Variants in OTUD7A observed in about 807,000 individuals in gnomAD.
The protein encoded by OTUD7A is OTU deubiquitinase 7A, also known as OTU domain-containing protein 7A.
In OTUD7A, 12 loss-of-function variants were observed where a neutral mutation model predicts 65.7. The observed-to-expected ratio is 0.18, with a 90% CI of 0.12 to 0.30. The LOEUF (loss-of-function observed/expected upper bound fraction) is 0.30. Among genes scored for constraint, OTUD7A ranks in the 10% least tolerant of loss-of-function variants. OTUD7A has a pLI of 1.00. For missense variants in OTUD7A, 1,148 were observed against 1,304.8 expected (o/e 0.88, Z 1.85); for synonymous variants, 641 against 586.3 (o/e 1.09, Z -1.35).
intron 1 of OTUD7A, among the ~76,000 whole-genome samples, chr15:31,724,380 A>C (rs1212937367): frequency 6.6e-6 from 1 of 152,200 alleles, no homozygotes; most frequent in African/African-American, 2.4e-5. Context: ...AAATGTTCAC[A>C]CTTTAATGCA....
intron 1 of OTUD7A, chr15:31,768,296 T>C (rs1393714): frequency 1 from 676,569 of 679,228 alleles, 337,020 homozygotes; most frequent in East Asian, 1. Context: ...AACCATTGGC[T>C]CTGCCGCCAA....
intron 3 of OTUD7A, among the ~76,000 whole-genome samples, chr15:31,580,417 T>C (rs1286573318): frequency 6.6e-6 from 1 of 152,206 alleles, no homozygotes; most frequent in East Asian, 1.9e-4. Flanking sequence ...AATAAAGTAT[T>C]TGCATTTAAG....
chr15:31,775,427 AT>A (rs1895351034), intron 1 of OTUD7A, among the ~76,000 whole-genome samples: 1 of 152,250 alleles, frequency 6.6e-6, no homozygotes, highest in Admixed American at 6.5e-5. Flanking sequence ...AAAAAAATAA[AT>A]AAATTAAACA....
chr15:31,549,364 G>C (rs1002271782), intron 5 of OTUD7A, among the ~76,000 whole-genome samples: 2 of 152,152 alleles, frequency 1.3e-5, no homozygotes, highest in Non-Finnish European at 2.9e-5. Context: ...ATCTGTGGCA[G>C]GCAGAATTCT....
In OTUD7A at chr15:31,792,223, T is replaced by C. The variant is rs117722443; in HGVS notation, c.-100+78284A>G. Among the ~76,000 whole-genome samples the C allele has an allele frequency of 1.5e-3, 235 of 152,300 alleles. 5 individuals are homozygous for C. In the East Asian group the frequency reaches 0.025, roughly 16 times the overall value. ...ACTTTATTTACTTCATAAAACCTCTTGTCTGGCTGCCTGAATGTGTCTCCT... is the reference window on the plus strand; with the variant it reads ...ACTTTATTTACTTCATAAAACCTCTCGTCTGGCTGCCTGAATGTGTCTCCT... On this transcript the variant is annotated intron_variant, in intron 1 of 12. Coordinates refer to ENST00000307050, the MANE Select transcript of OTUD7A (RefSeq NM_001382637.1).
intron 1 of OTUD7A, among the ~76,000 whole-genome samples, chr15:31,807,697 GC>G (rs1191007978): frequency 6.6e-6 from 1 of 152,060 alleles, no homozygotes; most frequent in African/African-American, 2.4e-5. Flanking sequence ...CATCAGCAGA[GC>G]CCCCTGGAGC....
intron 8 of OTUD7A, among the ~76,000 whole-genome samples, chr15:31,517,488 CA>C (rs1185002799): frequency 6.6e-6 from 1 of 152,146 alleles, no homozygotes; most frequent in African/African-American, 2.4e-5. Context: ...GGCCACTGGG[CA>C]AAGACATAAC....
At chr15:31,850,353 T>TG (rs1897391149) in intron 1 of OTUD7A, among the ~76,000 whole-genome samples, 1 of 149,268 alleles carries the variant, frequency 6.7e-6, no homozygotes, top group South Asian at 2.1e-4. Flanking sequence ...AGGTGGGAAT[T>TG]GAACAATAAG....
intron 8 of OTUD7A, among the ~76,000 whole-genome samples, chr15:31,512,161 T>C (rs1026396443): frequency 3.3e-5 from 5 of 152,166 alleles, no homozygotes; most frequent in African/African-American, 9.7e-5. Flanking sequence ...CGGTGTTTTT[T>C]CCTGGTGTTT....
At chr15:31,653,255 C>CAA (rs113670546) in intron 3 of OTUD7A, among the ~76,000 whole-genome samples, 37 of 122,908 alleles carry the variant, frequency 3.0e-4, no homozygotes, top group African/African-American at 9.9e-4. Flanking sequence ...TCTGTGTCAC[C>CAA]AAAAAAAAAA....
intron 9 of OTUD7A, among the ~76,000 whole-genome samples, chr15:31,502,392 C>T (rs1276667506): frequency 6.6e-6 from 1 of 152,160 alleles, no homozygotes; most frequent in African/African-American, 2.4e-5. Context: ...AAGCCTAACA[C>T]CCTCAGCAAA....
At position 31,530,682 on chromosome 15, in the gene OTUD7A, CCT is replaced by C. The variant is rs777072192; in HGVS notation, c.652+23_652+24del. 2.5e-6 allele frequency: 4 copies of C among 1,605,482 alleles called. No homozygotes were observed. The South Asian group carries it at 3.3e-5, about 13-fold the overall frequency. ...TTACGCAGGCCTGGAGCCTGGCCAC[CCT>C]CTGTCTGTGCTGTGGAGCTTACCCA... On this transcript the variant is annotated intron_variant, in intron 6 of 12. Coordinates refer to ENST00000307050, the MANE Select transcript of OTUD7A (RefSeq NM_001382637.1).
chr15:31,837,757 T>C (rs1897091446), intron 1 of OTUD7A, among the ~76,000 whole-genome samples: 1 of 152,220 alleles, frequency 6.6e-6, no homozygotes, highest in Admixed American at 6.5e-5. Context: ...CAAGGTGTTT[T>C]TGTAAATATG....
intron 1 of OTUD7A, among the ~76,000 whole-genome samples, chr15:31,751,065 A>T (rs1010617101): frequency 1.3e-5 from 2 of 152,336 alleles, no homozygotes; most frequent in South Asian, 4.1e-4. Context: ...CAAAAACTAA[A>T]ATTGACAAGT....
In OTUD7A at chr15:31,742,911, G is replaced by A. The variant is rs1179044783; in HGVS notation, c.-99-85834C>T. On this transcript the variant is annotated intron_variant, in intron 1 of 12. Transcript: ENST00000307050. ...TATAATGAAAATATTAATTCACCAG[G>A]AAGACAATAAATATATATAAATACA... Among the ~76,000 whole-genome samples, 6 of 151,904 alleles carry A rather than the reference G, an allele frequency of 3.9e-5. No homozygotes were observed. The South Asian group carries it at 1.0e-3, about 26-fold the overall frequency.
intron 1 of OTUD7A, among the ~76,000 whole-genome samples, chr15:31,804,789 T>G (rs537446702): frequency 1.3e-5 from 2 of 152,290 alleles, no homozygotes; most frequent in South Asian, 4.1e-4. Flanking sequence ...TGACAAGTGA[T>G]AAGTTTCAAA....
intron 8 of OTUD7A, among the ~76,000 whole-genome samples, chr15:31,506,392 G>T (rs1277178330): frequency 2.6e-5 from 4 of 151,674 alleles, no homozygotes; most frequent in African/African-American, 9.7e-5. Context: ...AGAATAACGT[G>T]GACTTAAATT....
chr15:31,560,622 T>C (rs1888658507), intron 4 of OTUD7A, among the ~76,000 whole-genome samples: 2 of 152,248 alleles, frequency 1.3e-5, no homozygotes, highest in African/African-American at 4.8e-5. Context: ...GGGCAGTAGA[T>C]CTTTCATTTT....
intron 3 of OTUD7A, among the ~76,000 whole-genome samples, chr15:31,626,917 T>G (rs866908204): frequency 2.0e-4 from 24 of 121,402 alleles, no homozygotes; most frequent in African/African-American, 8.1e-4. Flanking sequence ...GTTTTTATGG[T>G]TTCTTTTTTA....
Sources: allele counts gnomAD v4.1 joint callset (sites outside exome capture counted in the v4.1 genomes callset), GRCh38; gene constraint gnomAD v4.1.1; transcripts MANE v1.5; gene names NCBI Gene and HGNC (gene_info 2026-07-23, HGNC 2026-07-21).